DCBLD1: variants seen among roughly 807,000 people sequenced by gnomAD.
DCBLD1 encodes the protein discoidin, CUB and LCCL domain containing 1.
In DCBLD1, 57 loss-of-function variants were observed where a neutral mutation model predicts 71.5. The ratio of observed to expected loss-of-function variants is 0.80; its 90% CI spans 0.64 to 0.99. The LOEUF is 0.99. Ranked by LOEUF, DCBLD1 falls within the 50% of genes least tolerant of loss-of-function variation. The pLI, the probability that DCBLD1 is intolerant of heterozygous loss-of-function variation, is 0.00. For missense variants in DCBLD1, 891 were observed against 923.5 expected, an observed-to-expected ratio of 0.96 and a Z score of 0.46; for synonymous variants, 380 against 363.8, an observed-to-expected ratio of 1.04 and a Z score of -0.51.
chr6:117,491,914 G>A (rs1008897758), intron 1 of DCBLD1, among the ~76,000 whole-genome samples: 3 of 152,118 alleles, frequency 2.0e-5, no homozygotes, highest in Non-Finnish European at 4.4e-5. Context: ...CTAAAGACTC[G>A]ATTAGATTCA....
At chr6:117,535,910 A>T (rs1756390296) in intron 6 of DCBLD1, among the ~76,000 whole-genome samples, 2 of 152,124 alleles carry the variant, frequency 1.3e-5, no homozygotes, top group African/African-American at 4.8e-5. Flanking sequence ...AAGTCCCAGG[A>T]CCCAAGTGGG....
exon 15 of DCBLD1, chr6:117,569,752 G>T (rs1779770131): frequency 3.2e-6 from 5 of 1,557,744 alleles, no homozygotes; most frequent in Admixed American, 4.4e-5. Context: ...AACAACAAAG[G>T]GCAGTAAATT....
chr6:117,523,395 G>A (rs796737606), intron 4 of DCBLD1, among the ~76,000 whole-genome samples: 1 of 152,184 alleles, frequency 6.6e-6, no homozygotes, highest in Non-Finnish European at 1.5e-5. Context: ...TCGTTTGACA[G>A]CAAAATTGGA....
At chr6:117,489,040 A>G (rs1238971025) in intron 1 of DCBLD1, among the ~76,000 whole-genome samples, 1 of 152,194 alleles carries the variant, frequency 6.6e-6, no homozygotes, top group African/African-American at 2.4e-5. Flanking sequence ...ATAATTATAT[A>G]TGATTGTATT....
chr6:117,563,163 C>T (rs1400715265), intron 14 of DCBLD1: 8 of 1,212,428 alleles, frequency 6.6e-6, no homozygotes, highest in Non-Finnish European at 9.5e-6. Flanking sequence ...CAAACAGCCT[C>T]CCCTGATTTT....
At chr6:117,510,048 T>C (rs987870356) in intron 2 of DCBLD1, among the ~76,000 whole-genome samples, 1 of 152,206 alleles carries the variant, frequency 6.6e-6, no homozygotes, top group Admixed American at 6.5e-5. Context: ...GGCCATCTAA[T>C]GTTGTGTAAT....
chr6:117,497,150 G>A (rs144546938), intron 1 of DCBLD1, among the ~76,000 whole-genome samples: 91 of 152,146 alleles, frequency 6.0e-4, no homozygotes, highest in Non-Finnish European at 1.1e-3. Context: ...CCGAGACTGC[G>A]CCACTGCACT....
chr6:117,485,797 A>G (rs1777067273), intron 1 of DCBLD1, among the ~76,000 whole-genome samples: 1 of 152,172 alleles, frequency 6.6e-6, no homozygotes, highest in Admixed American at 6.5e-5. Context: ...GCTTCTACTA[A>G]TTAATTTTGT....
intron 1 of DCBLD1, among the ~76,000 whole-genome samples, chr6:117,493,849 G>GAA (rs1777378905): frequency 6.6e-6 from 1 of 152,204 alleles, no homozygotes; most frequent in Admixed American, 6.5e-5. Context: ...GTGTGGTGAA[G>GAA]AAAGGGTTTT....
chr6:117,510,339 A>C (rs1212080738), intron 2 of DCBLD1, among the ~76,000 whole-genome samples: 1 of 149,122 alleles, frequency 6.7e-6, no homozygotes, highest in African/African-American at 2.6e-5. Context: ...ACACACAGAC[A>C]CAGACACACA....
intron 2 of DCBLD1, among the ~76,000 whole-genome samples, chr6:117,513,162 A>G (rs1482517951): frequency 6.6e-6 from 1 of 152,212 alleles, no homozygotes; most frequent in Non-Finnish European, 1.5e-5. Context: ...CAGAGAATCA[A>G]GAGGATTTCA....
chr6:117,539,171 G>GA (rs926490535), intron 8 of DCBLD1, 84 bp from the exon 9 acceptor site: 22 of 1,269,692 alleles, frequency 1.7e-5, no homozygotes, highest in East Asian at 2.5e-5. Context: ...AAATGAGGGA[G>GA]AAAAAAATGA....
chr6:117,519,146 A>G (rs774606677), intron 2 of DCBLD1, among the ~76,000 whole-genome samples: 1 of 152,156 alleles, frequency 6.6e-6, no homozygotes, highest in African/African-American at 2.4e-5. Context: ...TTAAGCTCCA[A>G]ATGTAATTTT....
At chr6:117,561,801 G>A (rs1341208594) in intron 14 of DCBLD1, 1 of 206,552 alleles carries the variant, frequency 4.8e-6, no homozygotes, top group African/African-American at 2.3e-5. Context: ...CCATAAATGA[G>A]CAACAGTTAA....
Position 117,549,590 on chromosome 6 carries a change from A to T in DCBLD1, c.*1151A>T. 1 of 985,232 alleles carries T rather than the reference A, an allele frequency of 1.0e-6. No homozygotes were observed. Among genetic ancestry groups the T allele is most frequent in the Non-Finnish European group, 1.2e-6 (1 of 829,908 alleles). The allele number at this position is 985,232 out of a possible 1,614,324, so 61.0% of individuals were successfully genotyped here. Reference sequence around the variant, plus strand: ...TGTGTTTTTTTAATAGAAAATATGGACCAAAAATTTTTTTCCCTGAAGAAT... The same window carrying T: ...TGTGTTTTTTTAATAGAAAATATGGTCCAAAAATTTTTTTCCCTGAAGAAT... On this transcript the variant is annotated 3_prime_UTR_variant, in exon 15 of 15. Transcript: ENST00000338728.
At chr6:117,540,402 T>C in intron 9 of DCBLD1, 1 of 380,688 alleles carries the variant, frequency 2.6e-6, no homozygotes, top group Non-Finnish European at 4.9e-6. Flanking sequence ...TGTAGGAATA[T>C]TAAGGTCAAA....
At chr6:117,485,657 G>T (rs1777060092) in intron 1 of DCBLD1, among the ~76,000 whole-genome samples, 1 of 152,174 alleles carries the variant, frequency 6.6e-6, no homozygotes. Flanking sequence ...TGACAAAGGT[G>T]CTCAGTGTTC....
chr6:117,544,504 CA>C (rs766872666), intron 12 of DCBLD1, 23 bp from the exon 13 acceptor site: 3 of 1,612,990 alleles, frequency 1.9e-6, no homozygotes, highest in Admixed American at 1.7e-5. Flanking sequence ...TATAAATATT[CA>C]GTAGGACTTT....
At chr6:117,555,702 T>G (rs1023116935) in intron 14 of DCBLD1, among the ~76,000 whole-genome samples, 3 of 152,180 alleles carry the variant, frequency 2.0e-5, no homozygotes, top group African/African-American at 7.2e-5. Context: ...AACAGTTTCT[T>G]GTGAAATTCA....
Sources: gnomAD v4.1 joint callset for allele counts (sites outside exome capture counted in the v4.1 genomes callset) on GRCh38, gnomAD v4.1.1 for gene constraint, MANE v1.5 for transcripts, NCBI Gene and HGNC (gene_info 2026-07-23, HGNC 2026-07-21) for gene names.